ZMYM4: variants seen among roughly 807,000 people sequenced by gnomAD.
The protein encoded by ZMYM4 is zinc finger MYM-type containing 4, also known as zinc finger MYM-type protein 4.
In ZMYM4, 31 loss-of-function variants were observed where a neutral mutation model predicts 183.2. That is an observed-to-expected ratio of 0.17 (90% confidence interval 0.13 to 0.23). The LOEUF is 0.23. Among genes scored for constraint, ZMYM4 ranks in the 10% least tolerant of loss-of-function variants. ZMYM4 has a pLI of 1.00. For synonymous variants in ZMYM4, 592 were observed against 631.2 expected, an observed-to-expected ratio of 0.94 and a Z score of 0.93; for missense variants, 1,273 against 1,840.3, an observed-to-expected ratio of 0.69 and a Z score of 5.64.
intron 2 of ZMYM4, among the ~76,000 whole-genome samples, chr1:35,352,106 A>G (rs534596362): frequency 2.6e-5 from 4 of 152,282 alleles, no homozygotes; most frequent in Admixed American, 2.0e-4. Context: ...ATAAAAAACC[A>G]CAAGTAAATA....
In ZMYM4 at chr1:35,370,452, G is replaced by A; in HGVS notation, c.1006G>A (p.Ala336Thr). 1.3e-6 allele frequency: 2 copies of A among 1,594,810 alleles called. No homozygotes were observed. Among genetic ancestry groups the A allele is most frequent in the Non-Finnish European group, 8.5e-7 (1 of 1,175,462 alleles). ...AATGCTTCCTTCAGTTCCAGCCACA[G>A]CTGTTCGAGTTTCCTGTTCTGGTTG... The part of the protein sequence containing the change: ...NKMLPSVPAT[A>T]VRVSCSGCKK... The change falls in exon 7 of 30, where the codon GCT (alanine) becomes ACT (threonine). Residue 336 changes from alanine (A) to threonine (T), a missense_variant. Coordinates refer to ENST00000314607, the MANE Select transcript of ZMYM4 (RefSeq NM_005095.3).
intron 1 of ZMYM4, among the ~76,000 whole-genome samples, chr1:35,277,717 C>T (rs1226486179): frequency 2.0e-5 from 3 of 151,802 alleles, no homozygotes; most frequent in African/African-American, 7.3e-5. Context: ...ATTTGGTTAC[C>T]TTGTAATACG....
chr1:35,289,898 T>C (rs1183560065), intron 1 of ZMYM4, among the ~76,000 whole-genome samples: 1 of 152,222 alleles, frequency 6.6e-6, no homozygotes, highest in Non-Finnish European at 1.5e-5. Context: ...TTCATACCAT[T>C]CACTTATATA....
intron 2 of ZMYM4, among the ~76,000 whole-genome samples, chr1:35,352,384 G>GCACA (rs1491267326): frequency 4.6e-5 from 5 of 108,286 alleles, no homozygotes; most frequent in African/African-American, 2.4e-4. Context: ...TTAAAAATTA[G>GCACA]CGCACACACA....
chr1:35,398,287 T>C, intron 20 of ZMYM4, 126 bp from the exon 21 acceptor site: 1 of 760,910 alleles, frequency 1.3e-6, no homozygotes, highest in East Asian at 2.7e-5. Context: ...AATTATTCTT[T>C]CTGCATATGA....
intron 23 of ZMYM4, among the ~76,000 whole-genome samples, chr1:35,404,191 A>G (rs1173924213): frequency 6.6e-6 from 1 of 152,106 alleles, no homozygotes; most frequent in Non-Finnish European, 1.5e-5. Flanking sequence ...CAGTCTCCCA[A>G]GTAGCTGGGA....
chr1:35,361,989 T>C (rs1643947566), intron 5 of ZMYM4, among the ~76,000 whole-genome samples, 200 bp downstream of exon 5: 1 of 152,242 alleles, frequency 6.6e-6, no homozygotes, highest in African/African-American at 2.4e-5. Flanking sequence ...ATTAAGGCTT[T>C]TAATCATCTT....
At chr1:35,331,659 C>T (rs775465690) in intron 2 of ZMYM4, among the ~76,000 whole-genome samples, 1 of 151,856 alleles carries the variant, frequency 6.6e-6, no homozygotes, top group African/African-American at 2.4e-5. Flanking sequence ...TGGTGGCGGG[C>T]ACCTGTAATC....
In ZMYM4 at chr1:35,327,551, G is replaced by A. The variant is rs72897116; in HGVS notation, c.85+2146G>A. Among the ~76,000 whole-genome samples the A allele has an allele frequency of 4.2e-3, 635 of 152,106 alleles. 10 individuals carry two copies. In the South Asian group the frequency reaches 0.046, roughly 11 times the overall value. ...AGAATGATAATATTTTTAGACTACCGTCTGACTATGTTATTTGATATTGAG... is the reference window on the plus strand; with the variant it reads ...AGAATGATAATATTTTTAGACTACCATCTGACTATGTTATTTGATATTGAG... On this transcript the variant is annotated intron_variant, in intron 2 of 29. Transcript: ENST00000314607.
chr1:35,402,839 A>G (rs1312016180), intron 23 of ZMYM4, among the ~76,000 whole-genome samples: 1 of 126,094 alleles, frequency 7.9e-6, no homozygotes, highest in African/African-American at 3.9e-5. Flanking sequence ...TTTACTTTGT[A>G]ATCTGAATGC....
intron 1 of ZMYM4, among the ~76,000 whole-genome samples, chr1:35,294,456 A>G (rs902718548): frequency 7.9e-5 from 12 of 152,198 alleles, no homozygotes; most frequent in African/African-American, 2.9e-4. Flanking sequence ...AAGGCAAGAC[A>G]ATCTTGAATT....
At position 35,414,091 on chromosome 1, in the gene ZMYM4, GA is replaced by G. The variant is rs1640017938; in HGVS notation, c.4060+9del. 2 of 1,443,320 alleles carry G rather than the reference GA, an allele frequency of 1.4e-6. No individual in the cohort carries two copies. The highest frequency in any genetic ancestry group is 1.3e-5 in the South Asian group (1 of 79,334). 89.4% of individuals were successfully genotyped at this position (1,443,320 alleles called of 1,614,324 possible). On this transcript the variant is annotated intron_variant, in intron 27 of 29. Transcript: ENST00000314607. ...CTACAATACTTCCTAATGGTAGGGTGATTTTTTTTTTATTGTTTTCATGATA... is the reference window on the plus strand; with the variant it reads ...CTACAATACTTCCTAATGGTAGGGTGTTTTTTTTTTATTGTTTTCATGATA...
chr1:35,329,365 T>C (rs1041617500), intron 2 of ZMYM4, among the ~76,000 whole-genome samples: 1 of 152,232 alleles, frequency 6.6e-6, no homozygotes, highest in Non-Finnish European at 1.5e-5. Flanking sequence ...TTAATTCATG[T>C]TCCCTCAACC....
At chr1:35,388,811 C>T (rs1198823768) in intron 13 of ZMYM4, 99 bp from the exon 14 acceptor site, 2 of 1,092,282 alleles carry the variant, frequency 1.8e-6, no homozygotes, top group African/African-American at 1.6e-5. Context: ...GTTGGGATTA[C>T]AGGTGTGAGC....
chr1:35,388,876 A>G, intron 13 of ZMYM4, 34 bp from the exon 14 acceptor site: 1 of 1,602,682 alleles, frequency 6.2e-7, no homozygotes, highest in Non-Finnish European at 8.5e-7. Flanking sequence ...TAATACTTCT[A>G]CCTAATGTTA....
rs138790692 is a variant in ZMYM4 at position 35,301,279 on chromosome 1, G to A, written c.40-24081G>A. On this transcript the variant is annotated intron_variant, in intron 1 of 29. Transcript: ENST00000314607. The stretch of plus-strand genomic sequence containing the variant: ...TTTTCCTTCTGGGCTGAGTGTGGTG[G>A]CTTACACCTGTAATCCCAGCACTTT... Among the ~76,000 whole-genome samples, 9 of 152,248 alleles carry A rather than the reference G, an allele frequency of 5.9e-5. No individual in the cohort carries two copies. The East Asian group carries it at 1.5e-3, about 26-fold the overall frequency.
At chr1:35,364,913 G>C (rs1313504535) in intron 5 of ZMYM4, among the ~76,000 whole-genome samples, 1 of 152,084 alleles carries the variant, frequency 6.6e-6, no homozygotes, top group East Asian at 1.9e-4. Context: ...ATTTGCTCTT[G>C]GTTATTTCTT....
intron 1 of ZMYM4, among the ~76,000 whole-genome samples, chr1:35,317,548 T>C (rs993245418): frequency 1.1e-4 from 16 of 152,242 alleles, no homozygotes; most frequent in African/African-American, 3.9e-4. Flanking sequence ...TTGAAGTTAG[T>C]TGTTGCACTG....
chr1:35,302,442 G>A (rs1227389280), intron 1 of ZMYM4, among the ~76,000 whole-genome samples: 2 of 143,868 alleles, frequency 1.4e-5, no homozygotes, highest in East Asian at 2.0e-4. Context: ...CTGGAGTGCA[G>A]TGGTGCGATC....
Sources: allele counts gnomAD v4.1 joint callset (sites outside exome capture counted in the v4.1 genomes callset), GRCh38; gene constraint gnomAD v4.1.1; transcripts MANE v1.5; gene names NCBI Gene and HGNC (gene_info 2026-07-23, HGNC 2026-07-21).